IFT52: variants seen among roughly 807,000 people sequenced by gnomAD.
The protein encoded by IFT52 is intraflagellar transport protein 52 homolog.
A neutral mutation model predicts 54.4 loss-of-function variants in IFT52; 44 were observed. The observed-to-expected ratio is 0.81, with a 90% confidence interval of 0.63 to 1.04. The LOEUF is 1.04. IFT52 is among the 50% of genes least tolerant of loss of function. The pLI is 0.00. For missense variants in IFT52, 452 were observed against 523.6 expected (o/e 0.86, Z 1.33); for synonymous variants, 181 against 185.3 (o/e 0.98, Z 0.19).
rs1330886947 is a variant in IFT52, at chr20:43,611,313, T to G, written c.486-2537T>G. ...CATCTTAGGGACTTTACACAAGCTA[T>G]TCCGTCTTTTAGGAAAACTCTTTCT... is the stretch of plus-strand genomic sequence containing the variant. On this transcript the variant is annotated intron_variant, in intron 6 of 13. Transcript: ENST00000373030. Among the ~76,000 whole-genome samples the G allele has an allele frequency of 2.0e-5, 3 of 152,176 alleles. No homozygotes were observed. In the East Asian group the frequency reaches 5.8e-4, roughly 29 times the overall value.
chr20:43,613,812 T>C (rs60813278), intron 6 of IFT52, 38 bp from the exon 7 acceptor site: 4 of 1,587,642 alleles, frequency 2.5e-6, no homozygotes, highest in South Asian at 1.1e-5. Context: ...TGTATTCATG[T>C]TTTTAAAATT....
intron 1 of IFT52, among the ~76,000 whole-genome samples, chr20:43,591,599 T>C (rs879534348): frequency 6.6e-6 from 1 of 151,924 alleles, no homozygotes; most frequent in East Asian, 1.9e-4. Flanking sequence ...GAGGGGGCAG[T>C]TTTTCAACTG....
In IFT52 at chr20:43,637,268, C is replaced by CTT. The variant is rs754046046; in HGVS notation, c.1120+25_1120+26dup. On this transcript the variant is annotated intron_variant, in intron 12 of 13. Transcript: ENST00000373030. ...TACCAATAAGTGTAAGTTTGGCGAA[C>CTT]TTTTTTTTTTTGAGACAGAGTTTCA... The CTT allele has an allele frequency of 1.3e-4, 153 of 1,186,102 alleles. No individual in the cohort carries two copies. Among genetic ancestry groups the CTT allele is most frequent in the Middle Eastern group, 2.3e-4 (1 of 4,378 alleles). 73.5% of individuals were successfully genotyped at this position (1,186,102 alleles called of 1,614,324 possible). A position where few individuals can be genotyped will look rare whatever the true frequency, so the allele number is the denominator to read the frequency against.
At position 43,642,567 on chromosome 20, in the gene IFT52, C is replaced by G; in HGVS notation, c.1209C>G (p.Ala403=). 6.2e-7 allele frequency: 1 copy of G among 1,614,134 alleles called. No homozygotes were observed. The highest frequency in any genetic ancestry group is 8.5e-7 in the Non-Finnish European group (1 of 1,180,010). ...AACTACCAAAGGACCAACAGGATGC[C>G]AAACATATCCTTGAGCACGTCTTCT... The part of the protein sequence containing the change: ...TSKLPKDQQD[A]KHILEHVFFQ... Residue 403 remains alanine, a synonymous_variant, in exon 13 of 14, where the codon GCC becomes GCG. Transcript: ENST00000373030.
At chr20:43,610,344 G>T (rs1002369231) in intron 6 of IFT52, among the ~76,000 whole-genome samples, 1 of 151,196 alleles carries the variant, frequency 6.6e-6, no homozygotes, top group African/African-American at 2.4e-5. Flanking sequence ...TAAATTCTTG[G>T]AGTAGGGAAG....
In IFT52 at chr20:43,598,251, C is replaced by T. The variant is rs971528861; in HGVS notation, c.207+1729C>T. ...ATGAGGTACGTAGAGTAGTCGAATT[C>T]GTAGAGACAGAAAATAGAAGGGTGG... On this transcript the variant is annotated intron_variant, in intron 3 of 13. Transcript: ENST00000373030. Among the ~76,000 whole-genome samples the T allele has an allele frequency of 3.9e-5, 6 of 152,174 alleles. No individual in the cohort carries two copies. In the South Asian group the frequency reaches 6.2e-4, roughly 16 times the overall value.
Position 43,603,920 on chromosome 20 carries a change from AG to A in IFT52, c.337+32del, listed in dbSNP as rs759282925. 1.5e-5 allele frequency: 20 copies of A among 1,364,294 alleles called. No homozygotes were observed. The Admixed American group carries it at 3.9e-4, about 26-fold the overall frequency. 84.5% of individuals were successfully genotyped at this position (1,364,294 alleles called of 1,614,324 possible). Reference sequence around the variant, plus strand: ...TAGTATTATTATTTTCAGTAGAGGCAGTACTTTTCTATCTATTATTTGATAT... The same window carrying A: ...TAGTATTATTATTTTCAGTAGAGGCATACTTTTCTATCTATTATTTGATAT... On this transcript the variant is annotated intron_variant, in intron 4 of 13. Transcript: ENST00000373030.
At chr20:43,617,596 A>G (rs1310238600) in intron 7 of IFT52, among the ~76,000 whole-genome samples, 2 of 152,054 alleles carry the variant, frequency 1.3e-5, no homozygotes, top group African/African-American at 4.8e-5. Context: ...GGCATGCACC[A>G]CCATGCCTGA....
chr20:43,610,292 A>G (rs1208852738), intron 6 of IFT52, among the ~76,000 whole-genome samples: 3 of 3,234 alleles, frequency 9.3e-4, no homozygotes, highest in African/African-American at 0.01. Flanking sequence ...ACACCAACGC[A>G]AAAAAAAAAA....
At chr20:43,623,325 C>T (rs747810100) in intron 9 of IFT52, among the ~76,000 whole-genome samples, 1 of 152,126 alleles carries the variant, frequency 6.6e-6, no homozygotes, top group Non-Finnish European at 1.5e-5. Flanking sequence ...GCTGAGACTA[C>T]AGGCACACAC....
chr20:43,602,422 A>C (rs900809312), intron 3 of IFT52, among the ~76,000 whole-genome samples: 2 of 151,788 alleles, frequency 1.3e-5, no homozygotes, highest in African/African-American at 4.8e-5. Flanking sequence ...TCAGCCTCCC[A>C]AACTGTTGGG....
At chr20:43,600,649 C>T (rs879265929) in intron 3 of IFT52, among the ~76,000 whole-genome samples, 1 of 151,960 alleles carries the variant, frequency 6.6e-6, no homozygotes, top group African/African-American at 2.4e-5. Flanking sequence ...TATGTTAAAT[C>T]GTGCAAAAAA....
intron 7 of IFT52, among the ~76,000 whole-genome samples, chr20:43,614,997 T>A (rs1384035457): frequency 6.6e-6 from 1 of 151,676 alleles, no homozygotes; most frequent in African/African-American, 2.4e-5. Context: ...TTGGGAGAGA[T>A]GGAGTTTCAC....
intron 9 of IFT52, among the ~76,000 whole-genome samples, chr20:43,621,302 G>T (rs1984285631): frequency 1.3e-5 from 2 of 152,090 alleles, no homozygotes; most frequent in Non-Finnish European, 2.9e-5. Flanking sequence ...CTATAATTTT[G>T]TTGCCTTTAG....
chr20:43,613,321 C>G lies in IFT52; in HGVS notation c.486-529C>G, dbSNP rs184933315. Among the ~76,000 whole-genome samples, 579 of 152,338 alleles carry G rather than the reference C, an allele frequency of 3.8e-3. 4 individuals carry two copies. The highest frequency in any genetic ancestry group is 0.011 in the South Asian group (55 of 4,830). ...AGGCCCCATCCTCTTCCTCCTCCCT[C>G]CATCAGGGGCTTCTTTAGTTCTCCC... On this transcript the variant is annotated intron_variant, in intron 6 of 13. Coordinates refer to ENST00000373030, the MANE Select transcript of IFT52 (RefSeq NM_016004.5).
chr20:43,632,541 A>G (rs1030285353), intron 10 of IFT52, among the ~76,000 whole-genome samples: 2 of 151,888 alleles, frequency 1.3e-5, no homozygotes, highest in South Asian at 2.1e-4. Flanking sequence ...GATTACAGGC[A>G]TGAGCCCCTG....
At chr20:43,610,177 A>G (rs1240612459) in intron 6 of IFT52, among the ~76,000 whole-genome samples, 2 of 150,170 alleles carry the variant, frequency 1.3e-5, no homozygotes. Context: ...CTGTAATCCC[A>G]GTTACTCGGG....
intron 6 of IFT52, among the ~76,000 whole-genome samples, chr20:43,605,388 A>C (rs1982785536): frequency 6.6e-6 from 1 of 152,160 alleles, no homozygotes; most frequent in South Asian, 2.1e-4. Context: ...CTCTACTAAA[A>C]ATACAAAAAT....
intron 3 of IFT52, among the ~76,000 whole-genome samples, chr20:43,597,517 T>C (rs932895818): frequency 2.0e-5 from 3 of 152,210 alleles, no homozygotes; most frequent in Non-Finnish European, 2.9e-5. Context: ...ATTGGAACCC[T>C]TCCACACTGA....
Sources: gnomAD v4.1 joint callset for allele counts (sites outside exome capture counted in the v4.1 genomes callset) on GRCh38, gnomAD v4.1.1 for gene constraint, MANE v1.5 for transcripts, NCBI Gene and HGNC (gene_info 2026-07-23, HGNC 2026-07-21) for gene names.